TECPR1: variants seen among roughly 807,000 people sequenced by gnomAD.
The protein encoded by TECPR1 is tectonin beta-propeller repeat containing 1.
TECPR1 carries 122 observed loss-of-function variants against 162.4 expected under a neutral mutation model. The observed-to-expected ratio is 0.75, with a 90% CI of 0.65 to 0.87. The LOEUF (loss-of-function observed/expected upper bound fraction) is 0.87. TECPR1 is among the 40% of genes least tolerant of loss of function. TECPR1 has a pLI of 0.00. For missense variants in TECPR1, 1,432 were observed against 1,618.2 expected (o/e 0.88, Z 1.97); for synonymous variants, 642 against 670.6 (o/e 0.96, Z 0.66).
At chr7:98,222,562 C>A (rs750499776) in intron 21 of TECPR1, 41 bp from the exon 22 acceptor site, 7 of 1,544,736 alleles carry the variant, frequency 4.5e-6, no homozygotes, top group Non-Finnish European at 6.1e-6. Flanking sequence ...ACCAGGGCCC[C>A]CACCCCCAGG....
chr7:98,231,908 G>A lies in TECPR1; in HGVS notation c.1870C>T (p.His624Tyr). The A allele has an allele frequency of 6.2e-7, 1 of 1,610,788 alleles. No individual in the cohort carries two copies. Among genetic ancestry groups the A allele is most frequent in the Non-Finnish European group, 8.5e-7 (1 of 1,179,800 alleles). ...GCCAAGCGCACGTCCACCCACTTGT[G>A]GGGCTTCCAGTCGCACCACCACTGC... ...ALQWWCDWKP[H>Y]KWVDVRLALE... The change falls in exon 13 of 26, where the codon CAC (histidine) becomes TAC (tyrosine). Residue 624 changes from histidine to tyrosine, a missense_variant. Physicochemically the swap from His to Tyr is moderately conservative, Grantham distance 83. Transcript: ENST00000447648.
rs1798735224 is a variant in TECPR1, at chr7:98,241,093, C to T, written c.809G>A (p.Gly270Glu). The change falls in exon 7 of 26, where the codon GGA (glycine) becomes GAA (glutamate). Residue 270 changes from glycine to glutamate, a missense_variant. By Grantham distance (98) the Gly-to-Glu change is moderately conservative. Coordinates refer to ENST00000447648, the MANE Select transcript of TECPR1 (RefSeq NM_015395.3). This position sits in a 1 kb window ranked among gnomAD's most constrained non-coding sequence, Gnocchi z 5.0. Reference protein sequence around the residue: ...LWEGQALVREGINRSNPKGSS... With the variant: ...LWEGQALVREEINRSNPKGSS... The stretch of plus-strand genomic sequence containing the variant: ...ACCTTTGGGATTGCTCCTGTTGATT[C>T]CTTCCCGGACCAGGGCCTGTCCCTC... 3 of 1,608,708 alleles carry T rather than the reference C, an allele frequency of 1.9e-6. No individual in the cohort carries two copies. The highest frequency in any genetic ancestry group is 2.5e-6 in the Non-Finnish European group (3 of 1,177,544).
At chr7:98,249,615 A>C (rs1799008365) in intron 2 of TECPR1, among the ~76,000 whole-genome samples, 1 of 152,164 alleles carries the variant, frequency 6.6e-6, no homozygotes, top group Admixed American at 6.5e-5. Flanking sequence ...TACCACCAAA[A>C]GCTAACTAAC....
chr7:98,217,874 G>C, intron 24 of TECPR1, 62 bp downstream of exon 24: 2 of 1,544,314 alleles, frequency 1.3e-6, no homozygotes, highest in Non-Finnish European at 1.8e-6. Flanking sequence ...GGCATGGGAT[G>C]GGGGAGACCA....
rs758958616 is a variant in TECPR1 at position 98,224,780 on chromosome 7, C to T, written c.2690+21G>A. On this transcript the variant is annotated intron_variant, in intron 19 of 25. Coordinates refer to ENST00000447648, the MANE Select transcript of TECPR1 (RefSeq NM_015395.3). The stretch of plus-strand genomic sequence containing the variant: ...GACATTCAGGACCCAGCCCGAAGGC[C>T]CTGTGCAGGGAGAGGCTTACGCAGG... 3.2e-6 allele frequency: 5 copies of T among 1,568,666 alleles called. No individual in the cohort carries two copies. The South Asian group carries it at 5.9e-5, about 18-fold the overall frequency.
intron 10 of TECPR1, among the ~76,000 whole-genome samples, chr7:98,235,849 A>AAAAAAAAAAAAAAAAAC: frequency 1.8e-5 from 2 of 110,342 alleles, no homozygotes; most frequent in African/African-American, 6.2e-5. Flanking sequence ...AAAAAAAAAA[A>AAAAAAAAAAAAAAAAAC]AACACCATCT....
rs771567753 is a variant in TECPR1, at chr7:98,233,628, T to C, written c.1465A>G (p.Asn489Asp). The C allele has an allele frequency of 1.3e-6, 2 of 1,588,594 alleles. No homozygotes were observed. The highest frequency in any genetic ancestry group is 1.3e-5 in the African/African-American group (1 of 74,212). Residue 489 changes from asparagine (N) to aspartate (D), a missense_variant, in exon 11 of 26, where the codon AAT becomes GAT. Coordinates refer to ENST00000447648, the MANE Select transcript of TECPR1 (RefSeq NM_015395.3). ...TTCTTGGCCTCCTTGAGGTCAATAT[T>C]GGTCCAGGGCAGCTCGGCCGGGGTG... ...APTPAELPWT[N>D]IDLKEAKKVP...
In TECPR1 at chr7:98,238,616, G is replaced by A; in HGVS notation, c.934-6C>T. ...ACGCCTCTTCGGAACCACACCTGGGGGAGTCAGAAATAAACATGCCTTCCT... is the reference window on the plus strand; with the variant it reads ...ACGCCTCTTCGGAACCACACCTGGGAGAGTCAGAAATAAACATGCCTTCCT... On this transcript the variant is annotated splice_polypyrimidine_tract_variant and splice_region_variant and intron_variant, in intron 8 of 25. Coordinates refer to ENST00000447648, the MANE Select transcript of TECPR1 (RefSeq NM_015395.3). 6.4e-7 allele frequency: 1 copy of A among 1,559,580 alleles called. No individual in the cohort carries two copies. Among genetic ancestry groups the A allele is most frequent in the Non-Finnish European group, 8.7e-7 (1 of 1,151,584 alleles).
Position 98,233,694 on chromosome 7 carries a change from T to C in TECPR1, c.1399A>G (p.Ser467Gly). Residue 467 changes from serine to glycine, a missense_variant, in exon 11 of 26, where the codon AGC becomes GGC. Ser to Gly is a moderately conservative substitution (Grantham distance 56, BLOSUM62 0). Coordinates refer to ENST00000447648, the MANE Select transcript of TECPR1 (RefSeq NM_015395.3). Reference protein sequence around the residue: ...TVEDACPAEGSREARPNTHPG... With the variant: ...TVEDACPAEGGREARPNTHPG... ...TGCGTGTTGGGTCTGGCCTCCCTGC[T>C]GCCCTCGGCTGGGCAGGCATCTTCC... 1 of 1,609,726 alleles carries C rather than the reference T, an allele frequency of 6.2e-7. No individual in the cohort carries two copies. The highest frequency in any genetic ancestry group is 8.5e-7 in the Non-Finnish European group (1 of 1,177,744).
intron 21 of TECPR1, 56 bp downstream of exon 21, chr7:98,222,934 G>C: frequency 6.3e-7 from 1 of 1,589,750 alleles, no homozygotes; most frequent in African/African-American, 1.3e-5. Context: ...GAGCCCTGCC[G>C]GACTCCAGAG....
chr7:98,224,979 A>G, intron 18 of TECPR1, 27 bp downstream of exon 18: 2 of 1,538,964 alleles, frequency 1.3e-6, no homozygotes, highest in South Asian at 2.4e-5. Flanking sequence ...CGGATTCCCA[A>G]CCCCCCAGGG....
chr7:98,224,750 G>T (rs1293013007), intron 19 of TECPR1, 51 bp downstream of exon 19: 1 of 1,511,096 alleles, frequency 6.6e-7, no homozygotes, highest in Non-Finnish European at 9.0e-7. Context: ...ACACTCCAGG[G>T]CCCTGACATT....
chr7:98,246,055 G>T lies in TECPR1; in HGVS notation c.92C>A (p.Ser31Tyr), dbSNP rs928983787. ...GCTGACGCGCTTGAACTCCAGCTGG[G>T]AGTCCTTGCACATTTCCCAGTACTG... ...AGQYWEMCKD[S>Y]QLEFKRVSAT... The change falls in exon 3 of 26, where the codon TCC (serine) becomes TAC (tyrosine). Residue 31 changes from serine (S) to tyrosine (Y), a missense_variant. Coordinates refer to ENST00000447648, the MANE Select transcript of TECPR1 (RefSeq NM_015395.3). The T allele has an allele frequency of 1.9e-6, 3 of 1,576,484 alleles. No homozygotes were observed. In the Admixed American group the frequency reaches 5.5e-5, roughly 29 times the overall value.
chr7:98,223,879 A>G, intron 19 of TECPR1, 161 bp from the exon 20 acceptor site: 2 of 696,686 alleles, frequency 2.9e-6, no homozygotes, highest in Non-Finnish European at 2.4e-6. Context: ...CGCGGCTCTC[A>G]GGAGGCGCTT....
At chr7:98,235,251 C>T (rs1325946630) in intron 10 of TECPR1, among the ~76,000 whole-genome samples, 8 of 152,148 alleles carry the variant, frequency 5.3e-5, no homozygotes, top group South Asian at 2.1e-4. Flanking sequence ...TGGGGCCAGG[C>T]GCAGTGGCTC....
chr7:98,228,978 G>A (rs1798348987), intron 16 of TECPR1, 61 bp downstream of exon 16: 2 of 1,558,128 alleles, frequency 1.3e-6, no homozygotes, highest in Admixed American at 1.8e-5. Context: ...AGGGAACCCA[G>A]ACGGGGACTA....
Position 98,232,519 on chromosome 7 carries a change from A to G in TECPR1, c.1818+308T>C, listed in dbSNP as rs1232490345. Among the ~76,000 whole-genome samples, 1 of 151,900 alleles carries G rather than the reference A, an allele frequency of 6.6e-6. No individual in the cohort carries two copies. Among genetic ancestry groups the G allele is most frequent in the Non-Finnish European group, 1.5e-5 (1 of 67,954 alleles). On this transcript the variant is annotated intron_variant, in intron 12 of 25. Coordinates refer to ENST00000447648, the MANE Select transcript of TECPR1 (RefSeq NM_015395.3). This position sits in a 1 kb window ranked among gnomAD's most constrained non-coding sequence, Gnocchi z 4.6. ...CCCCTGGGCGCCCGGGGTTCCCTCC[A>G]GCAGGAAGAGGATGACGTGGTTCCC...
At chr7:98,248,243 C>A (rs1798963533) in intron 2 of TECPR1, among the ~76,000 whole-genome samples, 1 of 152,180 alleles carries the variant, frequency 6.6e-6, no homozygotes, top group African/African-American at 2.4e-5. Flanking sequence ...CTGGATGAAG[C>A]CACCAGGGCC....
At position 98,217,751 on chromosome 7, in the gene TECPR1, G is replaced by A; in HGVS notation, c.3325C>T (p.His1109Tyr). 1 of 1,550,758 alleles carries A rather than the reference G, an allele frequency of 6.4e-7. No homozygotes were observed. Reference protein sequence around the residue: ...SHSLSRGTVCHRTGVQPHEPK... With the variant: ...SHSLSRGTVCYRTGVQPHEPK... ...TCGTGAGGCTGCACGCCGGTGCGATGACACACTGTCCCCCGGCTCAGGCTG... is the reference window on the plus strand; with the variant it reads ...TCGTGAGGCTGCACGCCGGTGCGATAACACACTGTCCCCCGGCTCAGGCTG... Residue 1109 changes from histidine (H) to tyrosine (Y), a missense_variant, in exon 25 of 26, where the codon CAT (histidine) becomes TAT (tyrosine). Coordinates refer to ENST00000447648, the MANE Select transcript of TECPR1 (RefSeq NM_015395.3).
Sources: gnomAD v4.1 joint callset for allele counts (sites outside exome capture counted in the v4.1 genomes callset) on GRCh38, gnomAD v4.1.1 for gene constraint, Gnocchi (gnomAD v3.1) non-coding constraint, MANE v1.5 for transcripts, NCBI Gene and HGNC (gene_info 2026-07-23, HGNC 2026-07-21) for gene names.